Variants in FGF12 observed in about 807,000 individuals in gnomAD.
FGF12 encodes fibroblast growth factor 12.
FGF12 carries 14 observed loss-of-function variants against 23.6 expected under a neutral mutation model. The ratio of observed to expected loss-of-function variants is 0.59; its 90% confidence interval spans 0.39 to 0.93. FGF12 has a LOEUF of 0.93. FGF12 is among the 40% of genes least tolerant of loss of function. The probability of loss-of-function intolerance (pLI) is 0.00; values close to 1 mark genes in which losing one functional copy is unlikely to be tolerated. For synonymous variants in FGF12, 62 were observed against 77.3 expected (o/e 0.80, Z 1.04); for missense variants, 175 against 217.8 (o/e 0.80, Z 1.24).
At chr3:192,456,513 A>AT (rs1722686199) in intron 2 of FGF12, among the ~76,000 whole-genome samples, 1 of 152,230 alleles carries the variant, frequency 6.6e-6, no homozygotes, top group Non-Finnish European at 1.5e-5. Flanking sequence ...TGATGAATAC[A>AT]TTTTTAAAAT....
intron 5 of FGF12, among the ~76,000 whole-genome samples, chr3:192,159,335 T>G (rs1430566179): frequency 6.6e-6 from 1 of 152,186 alleles, no homozygotes; most frequent in Non-Finnish European, 1.5e-5. Context: ...AATTATTTCC[T>G]CCTTTTTGAC....
At chr3:192,275,414 A>G (rs967444726) in intron 4 of FGF12, among the ~76,000 whole-genome samples, 4 of 152,214 alleles carry the variant, frequency 2.6e-5, no homozygotes, top group African/African-American at 9.6e-5. Context: ...TTCTGTTTGT[A>G]AAACCAAACT....
intron 2 of FGF12, among the ~76,000 whole-genome samples, chr3:192,385,168 C>T (rs995605398): frequency 9.2e-5 from 14 of 152,122 alleles, no homozygotes; most frequent in African/African-American, 2.7e-4. Context: ...TGAGGCTCTA[C>T]GTGAAGTACC....
At chr3:192,701,184 T>C (rs1718283094) in intron 2 of FGF12, among the ~76,000 whole-genome samples, 1 of 152,190 alleles carries the variant, frequency 6.6e-6, no homozygotes, top group Admixed American at 6.5e-5. Context: ...GTTCAGATAA[T>C]AACTGTTTCA....
At chr3:192,709,221 C>T (rs934851418) in intron 2 of FGF12, among the ~76,000 whole-genome samples, 5 of 152,152 alleles carry the variant, frequency 3.3e-5, no homozygotes, top group African/African-American at 1.2e-4. Context: ...CAATACTAAC[C>T]TGTACAAATA....
At chr3:192,208,775 T>C (rs2108675075) in intron 4 of FGF12, among the ~76,000 whole-genome samples, 1 of 152,320 alleles carries the variant, frequency 6.6e-6, no homozygotes, top group South Asian at 2.1e-4. Context: ...TTGTAGTGAA[T>C]TTACTTTTTC....
intron 4 of FGF12, among the ~76,000 whole-genome samples, chr3:192,308,175 C>T (rs567367895): frequency 2.6e-5 from 4 of 152,146 alleles, no homozygotes; most frequent in Admixed American, 6.5e-5. Context: ...CACTCTCCAA[C>T]GATATTCACG....
At chr3:192,402,136 G>T (rs987042403) in intron 2 of FGF12, among the ~76,000 whole-genome samples, 1 of 152,188 alleles carries the variant, frequency 6.6e-6, no homozygotes, top group African/African-American at 2.4e-5. Flanking sequence ...CAAACAAAAA[G>T]ATTAAATCTT....
chr3:192,380,651 A>G (rs985547732), intron 2 of FGF12, among the ~76,000 whole-genome samples: 1 of 152,150 alleles, frequency 6.6e-6, no homozygotes, highest in Non-Finnish European at 1.5e-5. Flanking sequence ...AAATCAGAAA[A>G]ACCTGCCCCT....
At position 192,296,062 on chromosome 3, in the gene FGF12, CT is replaced by C. The variant is rs34021285; in HGVS notation, c.228+39298del. On this transcript the variant is annotated intron_variant, in intron 4 of 5. Coordinates refer to ENST00000445105, the MANE Select transcript of FGF12 (RefSeq NM_004113.6). Reference sequence around the variant, plus strand: ...ATGCTGACTAACTTTGTTTTTCTTTCTTTTTTTTTTTTTTTTTTTTTTTTGT... The same window carrying C: ...ATGCTGACTAACTTTGTTTTTCTTTCTTTTTTTTTTTTTTTTTTTTTTTGT... Among the ~76,000 whole-genome samples, 670 of 78,152 alleles carry C rather than the reference CT, an allele frequency of 8.6e-3. 1 individual carries two copies. The highest frequency in any genetic ancestry group is 0.026 in the East Asian group (46 of 1,802). 51.3% of individuals were successfully genotyped at this position (78,152 alleles called of 152,430 possible). A position where few individuals can be genotyped will look rare whatever the true frequency, so the allele number is the denominator to read the frequency against.
chr3:192,442,970 G>A (rs907557998), intron 2 of FGF12, among the ~76,000 whole-genome samples: 7 of 151,944 alleles, frequency 4.6e-5, no homozygotes, highest in African/African-American at 1.5e-4. Context: ...ACCATGCCCG[G>A]CTAATTTTTT....
At chr3:192,420,000 G>C (rs1721472802) in intron 2 of FGF12, among the ~76,000 whole-genome samples, 1 of 152,172 alleles carries the variant, frequency 6.6e-6, no homozygotes, top group Non-Finnish European at 1.5e-5. Context: ...CTATTAAGTT[G>C]TATGTGAGGA....
At chr3:192,406,797 G>C (rs1390558982) in intron 2 of FGF12, among the ~76,000 whole-genome samples, 1 of 152,122 alleles carries the variant, frequency 6.6e-6, no homozygotes, top group East Asian at 1.9e-4. Flanking sequence ...CTAATTCTGA[G>C]CCCGACTTGT....
chr3:192,543,900 C>G (rs1255609631), intron 2 of FGF12, among the ~76,000 whole-genome samples: 1 of 152,180 alleles, frequency 6.6e-6, no homozygotes, highest in African/African-American at 2.4e-5. Flanking sequence ...AAGTAAAGTC[C>G]TCTTTACTCT....
chr3:192,590,198 C>T (rs1200722683), intron 2 of FGF12, among the ~76,000 whole-genome samples: 1 of 151,672 alleles, frequency 6.6e-6, no homozygotes, highest in Non-Finnish European at 1.5e-5. Flanking sequence ...AAACTAGACA[C>T]CATAGTGATT....
chr3:192,721,558 AT>A (rs1358237402), intron 2 of FGF12, among the ~76,000 whole-genome samples: 1 of 152,188 alleles, frequency 6.6e-6, no homozygotes, highest in African/African-American at 2.4e-5. Context: ...ATATTAAGAG[AT>A]GCAATAAACC....
chr3:192,393,616 A>G (rs2108763950), intron 2 of FGF12, among the ~76,000 whole-genome samples: 1 of 152,206 alleles, frequency 6.6e-6, no homozygotes, highest in East Asian at 1.9e-4. Flanking sequence ...AGATAAAGAA[A>G]ATGGGAAAAA....
intron 2 of FGF12, among the ~76,000 whole-genome samples, chr3:192,574,069 G>A (rs1560155194): frequency 6.6e-6 from 1 of 152,160 alleles, no homozygotes; most frequent in Non-Finnish European, 1.5e-5. Context: ...AAACATTATC[G>A]TTGAGCTATA....
chr3:192,158,966 C>T (rs1714712231), intron 5 of FGF12, among the ~76,000 whole-genome samples: 1 of 151,936 alleles, frequency 6.6e-6, no homozygotes, highest in Non-Finnish European at 1.5e-5. Flanking sequence ...TTTGGTGTCC[C>T]TCTCTCCTGT....
Sources: allele counts gnomAD v4.1 joint callset (sites outside exome capture counted in the v4.1 genomes callset), GRCh38; gene constraint gnomAD v4.1.1; transcripts MANE v1.5; gene names NCBI Gene and HGNC (gene_info 2026-07-23, HGNC 2026-07-21).